The following SLC24A2 variants were observed in gnomAD, a reference collection of about 807,000 sequenced individuals.
The protein encoded by SLC24A2 is solute carrier family 24 member 2, also known as sodium/potassium/calcium exchanger 2.
A neutral mutation model predicts 62.0 loss-of-function variants in SLC24A2; 36 were observed. The ratio of observed to expected loss-of-function variants is 0.58; its 90% CI spans 0.44 to 0.77. The LOEUF (loss-of-function observed/expected upper bound fraction) is 0.77, where lower values mean the gene tolerates loss of function less well. Ranked by LOEUF, SLC24A2 falls within the 30% of genes least tolerant of loss-of-function variation. The pLI, the probability that SLC24A2 is intolerant of heterozygous loss-of-function variation, is 0.00. For missense variants in SLC24A2, 846 were observed against 817.9 expected, an observed-to-expected ratio of 1.03 and a Z score of -0.42; for synonymous variants, 358 against 294.0, an observed-to-expected ratio of 1.22 and a Z score of -2.23.
At chr9:19,947,052 C>T in the SLC24A2 span, among the ~76,000 whole-genome samples, 1 of 152,186 alleles carries the variant, frequency 6.6e-6, no homozygotes, top group Middle Eastern at 3.2e-3. Flanking sequence ...TTTGCAAATA[C>T]TGTAACATAA....
intron 2 of SLC24A2, among the ~76,000 whole-genome samples, chr9:19,770,064 A>G (rs536155919): frequency 7.9e-5 from 12 of 151,150 alleles, no homozygotes; most frequent in African/African-American, 2.9e-4. Flanking sequence ...AATGCAGTCT[A>G]TATTGTCCCA....
At chr9:20,250,557 G>A in the SLC24A2 span, among the ~76,000 whole-genome samples, 1 of 152,070 alleles carries the variant, frequency 6.6e-6, no homozygotes, top group Non-Finnish European at 1.5e-5. Context: ...TTTATAGCAG[G>A]GTCCAGGCTG....
chr9:19,886,710 C>T, the SLC24A2 span, among the ~76,000 whole-genome samples: 343 of 152,104 alleles, frequency 2.3e-3, 2 homozygotes, highest in African/African-American at 7.9e-3. Flanking sequence ...GGGTATATAC[C>T]CAAAGGAATA....
the SLC24A2 span, among the ~76,000 whole-genome samples, chr9:20,224,744 C>T: frequency 1.6e-4 from 24 of 151,966 alleles, no homozygotes; most frequent in Non-Finnish European, 2.8e-4. Context: ...CAGAATGCAT[C>T]ACCAGTTGGA....
intron 2 of SLC24A2, among the ~76,000 whole-genome samples, chr9:19,769,620 C>T (rs575104607): frequency 1.2e-3 from 180 of 152,314 alleles, no homozygotes; most frequent in African/African-American, 3.9e-3. Flanking sequence ...ATGGTTCTTC[C>T]GATGCTTACT....
the SLC24A2 span, among the ~76,000 whole-genome samples, chr9:20,207,964 T>C: frequency 6.6e-6 from 1 of 152,228 alleles, no homozygotes; most frequent in Non-Finnish European, 1.5e-5. Flanking sequence ...AACACCTATG[T>C]CTAGCAAGAC....
chr9:19,792,239 T>C (rs960594187), upstream of SLC24A2, among the ~76,000 whole-genome samples: 1 of 152,210 alleles, frequency 6.6e-6, no homozygotes, highest in Non-Finnish European at 1.5e-5. Flanking sequence ...TAGAAATTCA[T>C]TGCTTTGGCT....
the SLC24A2 span, among the ~76,000 whole-genome samples, chr9:20,169,078 A>G: frequency 6.0e-3 from 917 of 152,160 alleles, 22 homozygotes; most frequent in African/African-American, 0.021. Flanking sequence ...AAAATATAGT[A>G]TAAGTGAAAT....
At chr9:19,796,789 T>A in the SLC24A2 span, among the ~76,000 whole-genome samples, 1 of 152,194 alleles carries the variant, frequency 6.6e-6, no homozygotes, top group Non-Finnish European at 1.5e-5. Flanking sequence ...TTTGAGAAGA[T>A]CTTTAAGTCT....
intron 2 of SLC24A2, among the ~76,000 whole-genome samples, chr9:19,657,400 T>C (rs1450083779): frequency 6.6e-6 from 1 of 152,162 alleles, no homozygotes; most frequent in Non-Finnish European, 1.5e-5. Flanking sequence ...TCATTTTACC[T>C]TAACTTTTGG....
At chr9:20,073,940 A>G in the SLC24A2 span, among the ~76,000 whole-genome samples, 59 of 142,240 alleles carry the variant, frequency 4.1e-4, no homozygotes, top group African/African-American at 1.4e-3. Flanking sequence ...ATATATATAT[A>G]TGTATGTATA....
the SLC24A2 span, among the ~76,000 whole-genome samples, chr9:20,282,863 T>C: frequency 6.6e-6 from 1 of 152,244 alleles, no homozygotes; most frequent in African/African-American, 2.4e-5. Context: ...ATTACTATTT[T>C]TCATGTAATA....
At position 19,724,895 on chromosome 9, in the gene SLC24A2, C is replaced by T. The variant is rs555737958; in HGVS notation, c.930+61042G>A. ...TAAAGGGAGACTAATAAGCAAACTA[C>T]AGTTAAATCCAAAATCCTACACAAC... On this transcript the variant is annotated intron_variant, in intron 2 of 10. Coordinates refer to ENST00000341998, the MANE Select transcript of SLC24A2 (RefSeq NM_020344.4). 9.9e-5 allele frequency among the ~76,000 whole-genome samples: 15 copies of T among 152,262 alleles called. No homozygotes were observed. The South Asian group carries it at 2.9e-3, about 30-fold the overall frequency.
chr9:19,845,579 G>A, the SLC24A2 span, among the ~76,000 whole-genome samples: 1 of 151,986 alleles, frequency 6.6e-6, no homozygotes, highest in South Asian at 2.1e-4. Flanking sequence ...GGATTTGGGG[G>A]ACTTGATTTC....
chr9:19,982,949 C>T, the SLC24A2 span, among the ~76,000 whole-genome samples: 1 of 152,230 alleles, frequency 6.6e-6, no homozygotes, highest in African/African-American at 2.4e-5. Flanking sequence ...AAAGATTTGA[C>T]AAAATCCAAC....
chr9:20,153,094 G>C, the SLC24A2 span, among the ~76,000 whole-genome samples: 235 of 151,906 alleles, frequency 1.5e-3, no homozygotes, highest in Non-Finnish European at 4.1e-4. Flanking sequence ...CAGACAAAAA[G>C]AAATAAACAA....
chr9:19,542,390 GAC>G (rs1438380912), intron 8 of SLC24A2, among the ~76,000 whole-genome samples: 1 of 152,178 alleles, frequency 6.6e-6, no homozygotes, highest in Non-Finnish European at 1.5e-5. Flanking sequence ...TGCAAACAGA[GAC>G]AATTTGACTT....
the SLC24A2 span, among the ~76,000 whole-genome samples, chr9:19,853,189 C>G: frequency 6.6e-6 from 1 of 152,284 alleles, no homozygotes; most frequent in Non-Finnish European, 1.5e-5. Flanking sequence ...AGTTGTTTAT[C>G]AGCTTAAGAA....
At chr9:19,938,369 G>T in the SLC24A2 span, among the ~76,000 whole-genome samples, 1 of 152,090 alleles carries the variant, frequency 6.6e-6, no homozygotes, top group South Asian at 2.1e-4. Flanking sequence ...AAACTGGATA[G>T]ACATTTTTTA....
Sources: gnomAD v4.1 joint callset for allele counts (sites outside exome capture counted in the v4.1 genomes callset) on GRCh38, gnomAD v4.1.1 for gene constraint, MANE v1.5 for transcripts, NCBI Gene and HGNC (gene_info 2026-07-23, HGNC 2026-07-21) for gene names.